Variants in TLE6 observed in about 807,000 individuals in gnomAD.
TLE6 encodes the protein TLE family member 6, subcortical maternal complex member, also known as transducin-like enhancer protein 6.
TLE6 carries 72 observed loss-of-function variants against 77.1 expected under a neutral mutation model. That is an observed-to-expected ratio of 0.93 (90% CI 0.77 to 1.14). The LOEUF (loss-of-function observed/expected upper bound fraction) is 1.14, where lower values mean the gene tolerates loss of function less well. TLE6 is among the 50% of genes most tolerant of loss of function. The pLI, the probability that TLE6 is intolerant of heterozygous loss-of-function variation, is 0.00. For synonymous variants in TLE6, 366 were observed against 287.3 expected (o/e 1.27, Z -2.77); for missense variants, 843 against 747.6 (o/e 1.13, Z -1.49).
Position 2,989,132 on chromosome 19 carries a change from T to G in TLE6, c.812T>G (p.Leu271Arg), listed in dbSNP as rs751638415. 9 of 1,614,120 alleles carry G rather than the reference T, an allele frequency of 5.6e-6. No individual in the cohort carries two copies. In the Admixed American group the frequency reaches 1.0e-4, roughly 18 times the overall value. The change falls in exon 12 of 17, where the codon CTC becomes CGC. Residue 271 changes from leucine to arginine, a missense_variant. Leu to Arg is a moderately radical substitution (Grantham distance 102). Coordinates refer to ENST00000246112, the MANE Select transcript of TLE6 (RefSeq NM_001143986.2). ...PDALPGQSKRLAVPCKLEKMR... is the reference protein window; with the variant it reads ...PDALPGQSKRRAVPCKLEKMR... ...GCCTTGCCCGGGCAGTCAAAGAGACTCGCCGTCCCGTGCAAACTGGAAAAG... is the reference window on the plus strand; with the variant it reads ...GCCTTGCCCGGGCAGTCAAAGAGACGCGCCGTCCCGTGCAAACTGGAAAAG...
intron 16 of TLE6, among the ~76,000 whole-genome samples, chr19:2,994,669 T>C (rs1165573668): frequency 6.6e-6 from 1 of 152,058 alleles, no homozygotes; most frequent in Non-Finnish European, 1.5e-5. Flanking sequence ...CTGAGTGTGG[T>C]GGTGCACACC....
chr19:2,977,823 C>T (rs1331047327), intron 1 of TLE6, among the ~76,000 whole-genome samples: 1 of 152,142 alleles, frequency 6.6e-6, no homozygotes, highest in Non-Finnish European at 1.5e-5. Context: ...TCCTTCAAAA[C>T]CCCTTTCTAG....
At chr19:2,990,733 T>G (rs1438122034) in intron 13 of TLE6, among the ~76,000 whole-genome samples, 1 of 149,604 alleles carries the variant, frequency 6.7e-6, no homozygotes, top group Admixed American at 6.7e-5. Context: ...GGGTGCGGTG[T>G]CTCACACCTG....
intron 16 of TLE6, among the ~76,000 whole-genome samples, chr19:2,994,613 AAT>A (rs2089167470): frequency 1.4e-5 from 2 of 143,754 alleles, no homozygotes; most frequent in African/African-American, 2.5e-5. Flanking sequence ...CTAAAAAAAT[AAT>A]AATAATAATT....
At position 2,989,698 on chromosome 19, in the gene TLE6, A is replaced by C. The variant is rs1384374530; in HGVS notation, c.1157A>C (p.Asp386Ala). ...GCAGGTCTCAACTGCCAGGCCCTGG[A>C]TGCCAACCTGGATGCCAACCTGGCC... Reference protein sequence around the residue: ...PCAGLNCQALDANLDANLAFA... With the variant: ...PCAGLNCQALAANLDANLAFA... Residue 386 changes from aspartate (D) to alanine (A), a missense_variant, in exon 13 of 17, where the codon GAT becomes GCT. Coordinates refer to ENST00000246112, the MANE Select transcript of TLE6 (RefSeq NM_001143986.2). 6.2e-7 allele frequency: 1 copy of C among 1,614,102 alleles called. No homozygotes were observed. The highest frequency in any genetic ancestry group is 1.3e-5 in the African/African-American group (1 of 75,052).
chr19:2,982,034 AC>A, intron 4 of TLE6, 113 bp from the exon 5 acceptor site: 1 of 1,101,016 alleles, frequency 9.1e-7, no homozygotes. Flanking sequence ...CAAGGTGAAA[AC>A]AAAAATTTAA....
chr19:2,987,160 T>C lies in TLE6; in HGVS notation c.463T>C (p.Trp155Arg). Residue 155 changes from tryptophan to arginine, a missense_variant, in exon 7 of 17, where the codon TGG (tryptophan) becomes CGG (arginine). Physicochemically the swap from Trp to Arg is moderately radical, Grantham distance 101. Coordinates refer to ENST00000246112, the MANE Select transcript of TLE6 (RefSeq NM_001143986.2). ...QLFWDKEPWFWHDTLTEQLWR... is the reference protein window; with the variant it reads ...QLFWDKEPWFRHDTLTEQLWR... ...GTTCTGGGACAAGGAGCCTTGGTTT[T>C]GGCACGACACTCTGACCGAGCAACT... 1 of 1,614,088 alleles carries C rather than the reference T, an allele frequency of 6.2e-7. No homozygotes were observed. The highest frequency in any genetic ancestry group is 8.5e-7 in the Non-Finnish European group (1 of 1,180,020).
At chr19:2,984,895 A>G (rs2088876255) in intron 5 of TLE6, among the ~76,000 whole-genome samples, 1 of 152,116 alleles carries the variant, frequency 6.6e-6, no homozygotes, top group African/African-American at 2.4e-5. Flanking sequence ...GAGAAACTAC[A>G]TTTAACTTCG....
intron 15 of TLE6, 123 bp downstream of exon 15, chr19:2,993,705 C>A (rs992825550): frequency 3.9e-6 from 5 of 1,278,284 alleles, no homozygotes; most frequent in Non-Finnish European, 5.3e-6. Context: ...GTAGCAGAAA[C>A]CAATTTTGGG....
chr19:2,993,920 C>CAAAAAAAAAAAA lies in TLE6; in HGVS notation c.1538-88_1538-77dup. 5.5e-6 allele frequency: 3 copies of CAAAAAAAAAAAA among 547,658 alleles called. 1 individual carries two copies. The highest frequency in any genetic ancestry group is 7.5e-5 in the African/African-American group (2 of 26,492). 33.9% of individuals were successfully genotyped at this position (547,658 alleles called of 1,614,324 possible). A position where few individuals can be genotyped will look rare whatever the true frequency, so the allele number is the denominator to read the frequency against. ...TGGGTGACAGAGTGAGACCCTGTCTCAAAAAAAAAAAAAAAAAAAAAAGGT... is the reference window on the plus strand; with the variant it reads ...TGGGTGACAGAGTGAGACCCTGTCTCAAAAAAAAAAAAAAAAAAAAAAAAAAAAAAAAAAGGT... On this transcript the variant is annotated intron_variant, in intron 15 of 16. Transcript: ENST00000246112.
intron 13 of TLE6, among the ~76,000 whole-genome samples, chr19:2,990,865 G>C (rs2089034886): frequency 6.6e-6 from 1 of 151,598 alleles, no homozygotes; most frequent in Non-Finnish European, 1.5e-5. Context: ...AGCCGGCGTG[G>C]TGGCACATGC....
chr19:2,986,890 A>T lies in TLE6; in HGVS notation c.284A>T (p.Glu95Val). The T allele has an allele frequency of 6.4e-7, 1 of 1,551,740 alleles. No homozygotes were observed. The change falls in exon 6 of 17, where the codon GAG becomes GTG. Residue 95 changes from glutamate to valine, a missense_variant and splice_region_variant. Transcript: ENST00000246112. Reference sequence around the variant, plus strand: ...CAACTCCAGGGTTTCCAGTCTGAGGAGGTGAGTTTCTGGGTCTTCAAGGAG... The same window carrying T: ...CAACTCCAGGGTTTCCAGTCTGAGGTGGTGAGTTTCTGGGTCTTCAAGGAG... Reference protein sequence around the residue: ...CSQLQGFQSEEVSPAEPASPG... With the variant: ...CSQLQGFQSEVVSPAEPASPG...
At chr19:2,991,395 T>TATATACACACACAC (rs1555686268) in intron 13 of TLE6, among the ~76,000 whole-genome samples, 1 of 114,150 alleles carries the variant, frequency 8.8e-6, no homozygotes, top group Non-Finnish European at 1.7e-5. Flanking sequence ...TATATATATA[T>TATATACACACACAC]ACACACACAC....
intron 5 of TLE6, among the ~76,000 whole-genome samples, chr19:2,985,670 C>T (rs913871032): frequency 1.3e-5 from 2 of 149,822 alleles, no homozygotes; most frequent in East Asian, 2.1e-4. Context: ...CCGCCCGCCT[C>T]GGCCTCCCAG....
At chr19:2,986,464 A>G (rs2088913163) in intron 5 of TLE6, among the ~76,000 whole-genome samples, 1 of 152,038 alleles carries the variant, frequency 6.6e-6, no homozygotes. Context: ...CTATAATCCC[A>G]GCACTTTGGG....
intron 5 of TLE6, chr19:2,983,943 C>A (rs1033867960): frequency 6.6e-6 from 1 of 152,328 alleles, no homozygotes; most frequent in Non-Finnish European, 1.5e-5. Context: ...AAAGGAGCCA[C>A]TTCGGTTGCA....
chr19:2,992,793 A>AAACGGGG (rs1487334518), intron 14 of TLE6, among the ~76,000 whole-genome samples: 3 of 19,754 alleles, frequency 1.5e-4, no homozygotes, highest in Admixed American at 8.2e-4. Context: ...AAAAAAAAAA[A>AAACGGGG]GGGGGGGAGG....
rs2088718795 is a variant in TLE6, at chr19:2,978,239, C to T, written c.6C>T (p.Thr2=). Residue 2 remains threonine (T), a synonymous_variant, in exon 2 of 17, where the codon ACC becomes ACT. Coordinates refer to ENST00000246112, the MANE Select transcript of TLE6 (RefSeq NM_001143986.2). M[T]SRDQPRPKGP... The stretch of plus-strand genomic sequence containing the variant: ...TGGAGGCTACTGCCTTGAAGATGAC[C>T]TCTAGGGACCAGCCCAGACCCAAGG... 7.1e-6 allele frequency: 11 copies of T among 1,551,482 alleles called. No individual in the cohort carries two copies. Among genetic ancestry groups the T allele is most frequent in the Non-Finnish European group, 8.7e-6 (10 of 1,146,962 alleles).
rs1209815924 is a variant in TLE6 at position 2,982,158 on chromosome 19, TC to T, written c.193del (p.Gln65SerfsTer11). ...GTTTTCCCTTTGCAGCTGCACAAGA[TC>T]CAGCAGGATGTGGCAGAACATCACA... Reference protein sequence around the residue: ...LESIYYSLHKIQQDVAEHHKQ... With the variant: ...LESIYYSLHKXQQDVAEHHKQ... On this transcript the variant is annotated frameshift_variant, in exon 5 of 17. Coordinates refer to ENST00000246112, the MANE Select transcript of TLE6 (RefSeq NM_001143986.2). LOFTEE classifies it high-confidence loss of function. 6.4e-7 allele frequency: 1 copy of T among 1,551,256 alleles called. No individual in the cohort carries two copies. Among genetic ancestry groups the T allele is most frequent in the Admixed American group, 2.0e-5 (1 of 50,940 alleles).
Sources: allele counts gnomAD v4.1 joint callset (sites outside exome capture counted in the v4.1 genomes callset), GRCh38; gene constraint gnomAD v4.1.1; transcripts MANE v1.5; gene names NCBI Gene and HGNC (gene_info 2026-07-23, HGNC 2026-07-21).